The following TNKS1BP1 variants were observed in gnomAD, a reference collection of about 807,000 sequenced individuals.
TNKS1BP1 encodes CCR4-NOT transcription complex subunit 12.
TNKS1BP1 carries 48 observed loss-of-function variants against 141.1 expected under a neutral mutation model. That is an observed-to-expected ratio of 0.34 (90% CI 0.27 to 0.43). The LOEUF (loss-of-function observed/expected upper bound fraction) is 0.43. Ranked by LOEUF, TNKS1BP1 falls within the 20% of genes least tolerant of loss-of-function variation. The pLI, the probability that TNKS1BP1 is intolerant of heterozygous loss-of-function variation, is 1.00. For synonymous variants in TNKS1BP1, 875 were observed against 898.2 expected (o/e 0.97, Z 0.46); for missense variants, 2,149 against 2,226.0 (o/e 0.97, Z 0.70).
rs1218912486 is a variant in TNKS1BP1 at position 57,313,098 on chromosome 11, C to T, written c.1590G>A (p.Gly530=). The stretch of plus-strand genomic sequence containing the variant: ...CTGACCCACTTGGAGCTGACCCAGC[C>T]CCTTGCCCCTGCTGAGACACTCCTT... ...REEGVSQQGQ[G]AGSAPSGSGS... The change falls in exon 5 of 12, where the codon GGG becomes GGA. Residue 530 remains glycine (G), a synonymous_variant. Coordinates refer to ENST00000358252, the MANE Select transcript of TNKS1BP1 (RefSeq NM_033396.3). The T allele has an allele frequency of 4.3e-6, 7 of 1,613,472 alleles. No individual in the cohort carries two copies. The highest frequency in any genetic ancestry group is 5.9e-6 in the Non-Finnish European group (7 of 1,180,018).
At position 57,301,660 on chromosome 11, in the gene TNKS1BP1, T is replaced by C. The variant is rs555132411; in HGVS notation, c.4971+147A>G. On this transcript the variant is annotated intron_variant, in intron 9 of 11. Transcript: ENST00000358252. ...CCCGGCGGGGCACAAAGGGATCTTC[T>C]GGAGCCCTCGATGGAGAGGAGAGTG... The C allele has an allele frequency of 7.2e-5, 82 of 1,133,008 alleles. No individual in the cohort carries two copies. In the South Asian group the frequency reaches 1.2e-3, roughly 16 times the overall value. 70.2% of individuals were successfully genotyped at this position (1,133,008 alleles called of 1,614,324 possible).
chr11:57,322,071 TGGG>T (rs5792037), intron 1 of TNKS1BP1, 121 bp from the exon 2 acceptor site: 24,581 of 332,132 alleles, frequency 0.074, 746 homozygotes, highest in South Asian at 0.091. Flanking sequence ...GAACTTGGAG[TGGG>T]GGGGGGGGGG....
At chr11:57,323,103 T>C (rs1238058661) in intron 1 of TNKS1BP1, among the ~76,000 whole-genome samples, 1 of 152,150 alleles carries the variant, frequency 6.6e-6, no homozygotes, top group Non-Finnish European at 1.5e-5. Flanking sequence ...GAAATAGGCT[T>C]AGCACAATGC....
Position 57,307,041 on chromosome 11 carries a change from G to A in TNKS1BP1, c.4316+1354C>T, listed in dbSNP as rs373348879. Among the ~76,000 whole-genome samples, 323 of 152,176 alleles carry A rather than the reference G, an allele frequency of 2.1e-3. 9 individuals are homozygous for A. In the South Asian group the frequency reaches 0.064, roughly 30 times the overall value. ...TCACACCACCTTTCGACCCTCCAGC[G>A]GAGAGGATAAAAATCACTTTCCTGC... On this transcript the variant is annotated intron_variant, in intron 6 of 11. Transcript: ENST00000358252.
intron 2 of TNKS1BP1, among the ~76,000 whole-genome samples, chr11:57,321,310 T>C (rs1360730501): frequency 6.6e-6 from 1 of 151,522 alleles, no homozygotes; most frequent in Admixed American, 6.6e-5. Flanking sequence ...GTAAATCTGC[T>C]ATGGGAAGAA....
chr11:57,321,093 C>T (rs918894314), intron 2 of TNKS1BP1, among the ~76,000 whole-genome samples: 29 of 152,132 alleles, frequency 1.9e-4, no homozygotes, highest in African/African-American at 6.3e-4. Flanking sequence ...AGCAGTCAGC[C>T]CCCCCATATT....
At chr11:57,308,351 T>C (rs1214477087) in intron 6 of TNKS1BP1, 44 bp downstream of exon 6, 1 of 1,566,166 alleles carries the variant, frequency 6.4e-7, no homozygotes, top group African/African-American at 1.4e-5. Context: ...TGGACAGCCT[T>C]CACATGTTCC....
intron 2 of TNKS1BP1, 44 bp downstream of exon 2, chr11:57,321,748 A>T: frequency 3.1e-5 from 21 of 669,980 alleles, no homozygotes; most frequent in Non-Finnish European, 4.8e-5. Flanking sequence ...TGTCCTTCCC[A>T]CCCCCCTCCC....
At chr11:57,307,862 G>A (rs989304198) in intron 6 of TNKS1BP1, among the ~76,000 whole-genome samples, 8 of 152,198 alleles carry the variant, frequency 5.3e-5, no homozygotes, top group African/African-American at 1.9e-4. Context: ...ATACCCTTCA[G>A]GTTCTTGAAC....
In TNKS1BP1 at chr11:57,312,443, C is replaced by T. The variant is rs144113337; in HGVS notation, c.2154+91G>A. 572 of 1,348,562 alleles carry T rather than the reference C, an allele frequency of 4.2e-4. 8 individuals carry two copies. In the African/African-American group the frequency reaches 7.8e-3, roughly 18 times the overall value. The allele number at this position is 1,348,562 out of a possible 1,614,324, so 83.5% of individuals were successfully genotyped here. On this transcript the variant is annotated intron_variant, in intron 5 of 11. Transcript: ENST00000358252. The stretch of plus-strand genomic sequence containing the variant: ...TGCTCACTACCACAGCCCAAGCTCT[C>T]GACATGTAAAATCCATGTTCAAAGA...
chr11:57,313,354 C>T lies in TNKS1BP1; in HGVS notation c.1334G>A (p.Gly445Asp). The change falls in exon 5 of 12, where the codon GGC becomes GAC. Residue 445 changes from glycine to aspartate, a missense_variant. Physicochemically the swap from Gly to Asp is moderately conservative, Grantham distance 94. Transcript: ENST00000358252. ...SPSQDQEKLG[G>D]SLAALPQGQG... ...GCCTTGGGGCAGGGCAGCCAGCGAG[C>T]CCCCCAGCTTCTCCTGGTCCTGACT... 6.2e-7 allele frequency: 1 copy of T among 1,612,388 alleles called. No homozygotes were observed. Among genetic ancestry groups the T allele is most frequent in the South Asian group, 1.1e-5 (1 of 90,996 alleles).
chr11:57,320,601 C>T lies in TNKS1BP1; in HGVS notation c.206G>A (p.Arg69Gln), dbSNP rs772040195. ...AGAAGGCAACTCAGCCAGGGGACCC[C>T]GGGGAGGCCGAGGCCCAACAGGCAC... The part of the protein sequence containing the change: ...LLVPVGPRPP[R>Q]GPLAELPSAR... The change falls in exon 3 of 12, where the codon CGG (arginine) becomes CAG (glutamine). Residue 69 changes from arginine (R) to glutamine (Q), a missense_variant. Coordinates refer to ENST00000358252, the MANE Select transcript of TNKS1BP1 (RefSeq NM_033396.3). 13 of 1,613,766 alleles carry T rather than the reference C, an allele frequency of 8.1e-6. No homozygotes were observed. Among genetic ancestry groups the T allele is most frequent in the Admixed American group, 3.3e-5 (2 of 59,994 alleles).
chr11:57,311,162 G>A (rs1437297879), intron 5 of TNKS1BP1: 2 of 895,286 alleles, frequency 2.2e-6, no homozygotes, highest in Middle Eastern at 5.7e-4. Flanking sequence ...GACAAGAGGG[G>A]CAGCCTCTGG....
chr11:57,319,144 C>CA lies in TNKS1BP1; in HGVS notation c.728+934dup, dbSNP rs558416849. On this transcript the variant is annotated intron_variant, in intron 3 of 11. Coordinates refer to ENST00000358252, the MANE Select transcript of TNKS1BP1 (RefSeq NM_033396.3). ...TGGATGACAGAGCGAGACTCCGTCT[C>CA]AAAAAAAAAAAAAAAAAAAAAGATG... Among the ~76,000 whole-genome samples the CA allele has an allele frequency of 4.9e-3, 315 of 63,888 alleles. 2 individuals are homozygous for CA. The highest frequency in any genetic ancestry group is 0.014 in the Middle Eastern group (2 of 148). The allele number at this position is 63,888 out of a possible 152,430, so 41.9% of individuals were successfully genotyped here. A position where few individuals can be genotyped will look rare whatever the true frequency, so the allele number is the denominator to read the frequency against.
rs1229957712 is a variant in TNKS1BP1 at position 57,310,220 on chromosome 11, G to C, written c.2491C>G (p.Leu831Val). The C allele has an allele frequency of 6.2e-7, 1 of 1,614,072 alleles. No individual in the cohort carries two copies. The highest frequency in any genetic ancestry group is 8.5e-7 in the Non-Finnish European group (1 of 1,180,044). The change falls in exon 6 of 12, where the codon CTT becomes GTT. Residue 831 changes from leucine (L) to valine (V), a missense_variant. Leu to Val is a conservative substitution (Grantham distance 32, BLOSUM62 1). Transcript: ENST00000358252. ...QDRVVGKPAQ[L>V]GTQRSQEADV... ...GCCTCCTGGCTCCGCTGAGTGCCAA[G>C]CTGGGCTGGCTTTCCAACTACCCGG... is the stretch of plus-strand genomic sequence containing the variant.
intron 6 of TNKS1BP1, among the ~76,000 whole-genome samples, chr11:57,305,227 T>C (rs1855590995): frequency 6.6e-6 from 1 of 152,236 alleles, no homozygotes; most frequent in Admixed American, 6.5e-5. Flanking sequence ...ACAAGTTATT[T>C]GTCCCACTCT....
At chr11:57,303,771 T>G (rs969115090) in intron 6 of TNKS1BP1, among the ~76,000 whole-genome samples, 1 of 152,100 alleles carries the variant, frequency 6.6e-6, no homozygotes, top group Non-Finnish European at 1.5e-5. Flanking sequence ...CAGCTGGACA[T>G]GGGGTGCAGG....
In TNKS1BP1 at chr11:57,308,589, T is replaced by C. The variant is rs1200746759; in HGVS notation, c.4122A>G (p.Pro1374=). ...EHGVGGVSQC[P]EPGLRHNGSL... is the part of the protein sequence containing the mutation. ...TGCCATTGTGCCTCAGGCCGGGCTC[T>C]GGGCACTGGCTCACCCCGCCCACCC... The change falls in exon 6 of 12, where the codon CCA becomes CCG. Residue 1374 remains proline, a synonymous_variant. Transcript: ENST00000358252. The C allele has an allele frequency of 2.5e-6, 4 of 1,614,088 alleles. No homozygotes were observed. The highest frequency in any genetic ancestry group is 3.4e-6 in the Non-Finnish European group (4 of 1,179,996).
Position 57,310,109 on chromosome 11 carries a change from C to A in TNKS1BP1, c.2602G>T (p.Gly868Ter). 2 of 1,614,158 alleles carry A rather than the reference C, an allele frequency of 1.2e-6. No individual in the cohort carries two copies. The highest frequency in any genetic ancestry group is 1.7e-6 in the Non-Finnish European group (2 of 1,180,036). The change falls in exon 6 of 12, where the codon GGA becomes TGA. Residue 868 changes from glycine (G) to a stop codon, truncating the protein, a stop_gained. Transcript: ENST00000358252. LOFTEE classifies it high-confidence loss of function. The part of the protein sequence containing the change: ...RDAELQDQEF[G>*]KRDSLGTYSS... ...TAGGTACCCAGTGAATCTCTCTTTC[C>A]GAATTCCTGGTCCTGGAGTTCTGCA...
Sources: gnomAD v4.1 joint callset for allele counts (sites outside exome capture counted in the v4.1 genomes callset) on GRCh38, gnomAD v4.1.1 for gene constraint, MANE v1.5 for transcripts, NCBI Gene and HGNC (gene_info 2026-07-23, HGNC 2026-07-21) for gene names.